Variants in PTPRD observed in about 807,000 individuals in gnomAD.
PTPRD encodes the protein receptor-type tyrosine-protein phosphatase delta.
PTPRD carries 34 observed loss-of-function variants against 214.5 expected under a neutral mutation model. The observed-to-expected ratio is 0.16, with a 90% CI of 0.12 to 0.21. PTPRD has a LOEUF of 0.21. PTPRD is among the 10% of genes least tolerant of loss of function. The probability of loss-of-function intolerance (pLI) is 1.00; values close to 1 mark genes in which losing one functional copy is unlikely to be tolerated. For missense variants in PTPRD, 2,545 were observed against 2,398.7 expected, an observed-to-expected ratio of 1.06 and a Z score of -1.27; for synonymous variants, 1,128 against 845.7, an observed-to-expected ratio of 1.33 and a Z score of -5.79.
intron 11 of PTPRD, among the ~76,000 whole-genome samples, chr9:8,810,713 C>G (rs1014586898): frequency 6.6e-6 from 1 of 152,270 alleles, no homozygotes; most frequent in East Asian, 1.9e-4. Flanking sequence ...TTTGGTTACC[C>G]TGAAAGTGGA....
At chr9:8,889,462 A>C (rs543143849) in intron 11 of PTPRD, among the ~76,000 whole-genome samples, 3 of 152,112 alleles carry the variant, frequency 2.0e-5, no homozygotes, top group African/African-American at 7.2e-5. Flanking sequence ...ATATATTTAA[A>C]ATTTTTTATT....
chr9:9,226,786 C>G (rs1454524546), intron 9 of PTPRD, among the ~76,000 whole-genome samples: 1 of 151,974 alleles, frequency 6.6e-6, no homozygotes, highest in Non-Finnish European at 1.5e-5. Context: ...ATCATTGTAT[C>G]TTTCACTTAA....
intron 39 of PTPRD, among the ~76,000 whole-genome samples, chr9:8,350,629 G>A (rs1405256922): frequency 6.6e-6 from 1 of 152,020 alleles, no homozygotes; most frequent in Non-Finnish European, 1.5e-5. Flanking sequence ...CAGATACTGG[G>A]CATCTCTACG....
chr9:10,611,121 G>T (rs1396980371), intron 2 of PTPRD, among the ~76,000 whole-genome samples: 1 of 151,998 alleles, frequency 6.6e-6, no homozygotes, highest in East Asian at 1.9e-4. Flanking sequence ...TAACTTATAA[G>T]GGGTTTTTAT....
chr9:8,675,716 T>A (rs1357323540), intron 12 of PTPRD, among the ~76,000 whole-genome samples: 1 of 152,000 alleles, frequency 6.6e-6, no homozygotes, highest in East Asian at 1.9e-4. Context: ...TTCAACATCT[T>A]AGACAGATCT....
At chr9:9,780,647 G>A (rs1048220238) in intron 5 of PTPRD, among the ~76,000 whole-genome samples, 1 of 152,126 alleles carries the variant, frequency 6.6e-6, no homozygotes, top group Non-Finnish European at 1.5e-5. Context: ...TTCTTACAAA[G>A]CTAAATGATA....
At chr9:9,148,652 AAATAT>A (rs2099872710) in intron 10 of PTPRD, among the ~76,000 whole-genome samples, 3 of 152,208 alleles carry the variant, frequency 2.0e-5, no homozygotes, top group Admixed American at 2.0e-4. Flanking sequence ...TTTAAAAATA[AAATAT>A]AATAGAATAA....
intron 37 of PTPRD, among the ~76,000 whole-genome samples, chr9:8,381,908 G>C (rs2085216018): frequency 2.0e-5 from 3 of 152,184 alleles, no homozygotes; most frequent in Non-Finnish European, 2.9e-5. Context: ...GCAGAACTGT[G>C]TGAGGTGCCT....
chr9:8,627,614 C>T (rs1434067060), intron 14 of PTPRD, among the ~76,000 whole-genome samples: 1 of 151,834 alleles, frequency 6.6e-6, no homozygotes, highest in Admixed American at 6.6e-5. Context: ...TAGACATGAT[C>T]TCAGTGTGGC....
intron 11 of PTPRD, among the ~76,000 whole-genome samples, chr9:8,991,462 C>A (rs761004411): frequency 2.0e-5 from 3 of 151,934 alleles, no homozygotes; most frequent in Non-Finnish European, 4.4e-5. Context: ...ATTTAATTTC[C>A]GTTAACTCTA....
intron 9 of PTPRD, among the ~76,000 whole-genome samples, chr9:9,184,391 T>C (rs1164135460): frequency 6.6e-6 from 1 of 152,060 alleles, no homozygotes; most frequent in Non-Finnish European, 1.5e-5. Context: ...CCTCATTCTA[T>C]GTTTCTTACC....
At chr9:10,294,507 G>T (rs1387935929) in intron 3 of PTPRD, among the ~76,000 whole-genome samples, 1 of 151,786 alleles carries the variant, frequency 6.6e-6, no homozygotes, top group Non-Finnish European at 1.5e-5. Flanking sequence ...GAAAACATTT[G>T]CATTTTTAAC....
At chr9:10,568,977 G>C (rs1198353784) in intron 2 of PTPRD, among the ~76,000 whole-genome samples, 1 of 152,032 alleles carries the variant, frequency 6.6e-6, no homozygotes, top group Non-Finnish European at 1.5e-5. Flanking sequence ...CCATCAGAGT[G>C]AACAGGCAAC....
intron 31 of PTPRD, among the ~76,000 whole-genome samples, chr9:8,466,171 A>G (rs1038145043): frequency 6.6e-6 from 1 of 151,984 alleles, no homozygotes; most frequent in African/African-American, 2.4e-5. Flanking sequence ...ATTCCCTCAA[A>G]TCAGCAGAAG....
chr9:10,503,199 A>AAAAAAAAAAAAAAAAC (rs1566569077), intron 2 of PTPRD, among the ~76,000 whole-genome samples: 5 of 132,064 alleles, frequency 3.8e-5, no homozygotes, highest in Non-Finnish European at 4.7e-5. Context: ...AATACAAAAA[A>AAAAAAAAAAAAAAAAC]AAAAAAAACA....
intron 5 of PTPRD, among the ~76,000 whole-genome samples, chr9:9,902,428 T>C (rs1258315589): frequency 6.6e-6 from 1 of 152,164 alleles, no homozygotes; most frequent in African/African-American, 2.4e-5. Flanking sequence ...GCTCTACTTT[T>C]GAATAAATAA....
chr9:8,798,086 T>C (rs1003055333), intron 11 of PTPRD, among the ~76,000 whole-genome samples: 4 of 152,178 alleles, frequency 2.6e-5, no homozygotes, highest in South Asian at 2.1e-4. Context: ...ATATGCTTTA[T>C]AGAATGGAAT....
chr9:10,082,057 T>A (rs2098247209), intron 3 of PTPRD, among the ~76,000 whole-genome samples: 1 of 152,026 alleles, frequency 6.6e-6, no homozygotes, highest in African/African-American at 2.4e-5. Flanking sequence ...AATAAATCTG[T>A]GTGTAGGTGA....
chr9:8,421,929 C>T (rs2094392074), intron 35 of PTPRD, among the ~76,000 whole-genome samples: 1 of 151,330 alleles, frequency 6.6e-6, no homozygotes, highest in South Asian at 2.1e-4. Flanking sequence ...AGGTGGATAG[C>T]CTGAGCCCAG....
Sources: allele counts gnomAD v4.1 joint callset (sites outside exome capture counted in the v4.1 genomes callset), GRCh38; gene constraint gnomAD v4.1.1; transcripts MANE v1.5; gene names NCBI Gene and HGNC (gene_info 2026-07-23, HGNC 2026-07-21).